Variants in ELP6 observed in about 807,000 individuals in gnomAD.
ELP6 encodes elongator complex protein 6.
A neutral mutation model predicts 28.1 loss-of-function variants in ELP6; 23 were observed. The observed-to-expected ratio is 0.82, with a 90% CI of 0.59 to 1.16. The LOEUF is 1.16. ELP6 is among the 50% of genes most tolerant of loss of function. The pLI is 0.00. For missense variants in ELP6, 313 were observed against 334.6 expected, an observed-to-expected ratio of 0.94 and a Z score of 0.50; for synonymous variants, 132 against 135.8, an observed-to-expected ratio of 0.97 and a Z score of 0.19.
chr3:47,496,025 G>T lies in ELP6; in HGVS notation c.*44C>A, dbSNP rs72913126. On this transcript the variant is annotated 3_prime_UTR_variant, in exon 7 of 7. Coordinates refer to ENST00000296149, the MANE Select transcript of ELP6 (RefSeq NM_001031703.3). ...CTTGCTATGTTGCTCTATCTTCCAC[G>T]TCCAAAAACAGTCCTATGTAGCTTC... The T allele has an allele frequency of 6.2e-7, 1 of 1,612,502 alleles. No homozygotes were observed. Among genetic ancestry groups the T allele is most frequent in the Non-Finnish European group, 8.5e-7 (1 of 1,179,512 alleles).
intron 1 of ELP6, 196 bp downstream of exon 1, chr3:47,513,341 A>G: frequency 7.1e-7 from 1 of 1,401,000 alleles, no homozygotes; most frequent in Non-Finnish European, 9.2e-7. Flanking sequence ...AATATGCGAG[A>G]TGGCCCAGAA....
At chr3:47,501,963 T>G in intron 4 of ELP6, 112 bp from the exon 5 acceptor site, 1 of 1,002,638 alleles carries the variant, frequency 1.0e-6, no homozygotes, top group Non-Finnish European at 1.5e-6. Flanking sequence ...GTATCACAAT[T>G]CTTGGCAACA....
chr3:47,504,877 G>A (rs572840598), intron 3 of ELP6, among the ~76,000 whole-genome samples: 89 of 152,212 alleles, frequency 5.8e-4, no homozygotes, highest in East Asian at 1.9e-4. Context: ...GGAGGATCAC[G>A]TGCGCCCAGG....
chr3:47,511,616 G>T, intron 1 of ELP6: 1 of 575,826 alleles, frequency 1.7e-6, no homozygotes, highest in Non-Finnish European at 2.2e-6. Context: ...ACTGGAAGAG[G>T]CCTTCAAAAG....
At chr3:47,501,577 G>C in intron 5 of ELP6, 73 bp downstream of exon 5, 1 of 1,441,708 alleles carries the variant, frequency 6.9e-7, no homozygotes, top group Non-Finnish European at 9.7e-7. Context: ...ATCACAGCAA[G>C]CAAGTGAGGT....
rs754828445 is a variant in ELP6, at chr3:47,496,132, C to T, written c.738G>A (p.Gln246=). ...ACACGCTTTTGTCCTGTATCTTATA[C>T]TGGTAAGTGAAGCTCTGATCCCGGT... ...AVHRDQSFTY[Q]YKIQDKSVSF... The change falls in exon 7 of 7, where the codon CAG becomes CAA. Residue 246 remains glutamine (Q), a synonymous_variant. Coordinates refer to ENST00000296149, the MANE Select transcript of ELP6 (RefSeq NM_001031703.3). 1.4e-5 allele frequency: 23 copies of T among 1,614,030 alleles called. No individual in the cohort carries two copies. The highest frequency in any genetic ancestry group is 1.9e-5 in the Non-Finnish European group (23 of 1,180,038).
intron 3 of ELP6, among the ~76,000 whole-genome samples, chr3:47,505,752 A>G (rs1708815182): frequency 6.6e-6 from 1 of 152,138 alleles, no homozygotes; most frequent in African/African-American, 2.4e-5. Flanking sequence ...TTGTATTTTT[A>G]GTAGAGATGG....
At chr3:47,513,149 C>A in intron 1 of ELP6, 2 of 881,948 alleles carry the variant, frequency 2.3e-6, no homozygotes, top group Non-Finnish European at 2.8e-6. Flanking sequence ...AGCCACCACG[C>A]CCGGCTAATT....
chr3:47,509,804 T>A (rs558157943), intron 3 of ELP6, among the ~76,000 whole-genome samples: 61 of 152,026 alleles, frequency 4.0e-4, no homozygotes, highest in African/African-American at 1.4e-3. Flanking sequence ...AGAGTCTTGT[T>A]CTGTCGCCAA....
At position 47,498,295 on chromosome 3, in the gene ELP6, C is replaced by T. The variant is rs1348355768; in HGVS notation, c.663G>A (p.Val221=). ...GGAGGCCCCTGCATACCTGCCCGTG[C>T]ACATCCCTGCAGAAGCCAGTGGCCA... ...EGLATGFCRD[V]HGQLRILWRR... The change falls in exon 6 of 7, where the codon GTG becomes GTA. Residue 221 remains valine, a synonymous_variant. Transcript: ENST00000296149. 1 of 1,613,386 alleles carries T rather than the reference C, an allele frequency of 6.2e-7. No individual in the cohort carries two copies. The highest frequency in any genetic ancestry group is 1.1e-5 in the South Asian group (1 of 91,080).
intron 4 of ELP6, among the ~76,000 whole-genome samples, chr3:47,503,905 C>A (rs550347203): frequency 8.5e-4 from 129 of 150,984 alleles, no homozygotes; most frequent in East Asian, 1.2e-3. Flanking sequence ...ACAACAACAA[C>A]AAAAAAAAGG....
At position 47,498,342 on chromosome 3, in the gene ELP6, G is replaced by C; in HGVS notation, c.616C>G (p.Leu206Val). The part of the protein sequence containing the change: ...LLNGLSHQSH[L>V]ILRAEGLATG... ...GCCAGGCCCTCAGCCCGCAGTATCA[G>C]ATGGCTCTGATGACTGAGGCCATTC... Residue 206 changes from leucine to valine, a missense_variant, in exon 6 of 7, where the codon CTG becomes GTG. Leu to Val is a conservative substitution (Grantham distance 32). Transcript: ENST00000296149. The C allele has an allele frequency of 6.2e-7, 1 of 1,613,766 alleles. No individual in the cohort carries two copies. The highest frequency in any genetic ancestry group is 8.5e-7 in the Non-Finnish European group (1 of 1,180,040).
At chr3:47,498,674 C>A in intron 5 of ELP6, 1 of 985,404 alleles carries the variant, frequency 1.0e-6, no homozygotes, top group African/African-American at 1.7e-5. Flanking sequence ...TTCATCTAAA[C>A]CAACAGTCTT....
chr3:47,501,576 AGC>A lies in ELP6; in HGVS notation c.525+72_525+73del, dbSNP rs763542263. ...CCAAGCAAATAAAAAGATCACAGCA[AGC>A]AAGTGAGGTCTGGACCTGTCTGAGT... On this transcript the variant is annotated intron_variant, in intron 5 of 6. Coordinates refer to ENST00000296149, the MANE Select transcript of ELP6 (RefSeq NM_001031703.3). 11 of 1,444,820 alleles carry A rather than the reference AGC, an allele frequency of 7.6e-6. No homozygotes were observed. In the East Asian group the frequency reaches 2.3e-4, roughly 30 times the overall value. 89.5% of individuals were successfully genotyped at this position (1,444,820 alleles called of 1,614,324 possible).
At chr3:47,501,591 G>C in intron 5 of ELP6, 59 bp downstream of exon 5, 1 of 1,532,188 alleles carries the variant, frequency 6.5e-7, no homozygotes. Context: ...GTGAGGTCTG[G>C]ACCTGTCTGA....
intron 3 of ELP6, chr3:47,504,792 C>CA (rs1439638036): frequency 6.3e-5 from 18 of 284,938 alleles, no homozygotes; most frequent in Non-Finnish European, 8.9e-5. Flanking sequence ...CTCGTCTCTA[C>CA]AAAAAAAATT....
At chr3:47,512,737 TAG>T in intron 1 of ELP6, 1 of 971,314 alleles carries the variant, frequency 1.0e-6, no homozygotes, top group South Asian at 4.8e-5. Context: ...ACAGTTCTAT[TAG>T]AGATCACAAG....
intron 6 of ELP6, chr3:47,497,946 G>A: frequency 1.0e-6 from 1 of 985,134 alleles, no homozygotes; most frequent in South Asian, 4.7e-5. Flanking sequence ...AAAAGGAACA[G>A]TGTTGACCTG....
chr3:47,497,271 G>T, intron 6 of ELP6: 2 of 985,366 alleles, frequency 2.0e-6, no homozygotes, highest in Non-Finnish European at 2.4e-6. Flanking sequence ...TACTCCAATT[G>T]TTCTGGTGAG....
Sources: allele counts gnomAD v4.1 joint callset (sites outside exome capture counted in the v4.1 genomes callset), GRCh38; gene constraint gnomAD v4.1.1; transcripts MANE v1.5; gene names NCBI Gene and HGNC (gene_info 2026-07-23, HGNC 2026-07-21).